Variants in JARID2 observed in about 807,000 individuals in gnomAD.
JARID2 encodes jumonji and AT-rich interaction domain containing 2, also known as protein Jumonji.
A neutral mutation model predicts 125.6 loss-of-function variants in JARID2; 21 were observed. That is an observed-to-expected ratio of 0.17 (90% CI 0.12 to 0.24). The LOEUF is 0.24. Among genes scored for constraint, JARID2 ranks in the 10% least tolerant of loss-of-function variants. The probability of loss-of-function intolerance (pLI) is 1.00; values close to 1 mark genes in which losing one functional copy is unlikely to be tolerated. For synonymous variants in JARID2, 736 were observed against 661.6 expected (o/e 1.11, Z -1.73); for missense variants, 1,303 against 1,639.6 (o/e 0.79, Z 3.55).
At chr6:15,315,955 G>A (rs1762165714) in intron 1 of JARID2, among the ~76,000 whole-genome samples, 1 of 151,986 alleles carries the variant, frequency 6.6e-6, no homozygotes, top group African/African-American at 2.4e-5. Context: ...TAAAGTGACT[G>A]AGGGCATAAG....
intron 1 of JARID2, among the ~76,000 whole-genome samples, chr6:15,361,805 G>A (rs1394668126): frequency 3.3e-5 from 5 of 151,202 alleles, no homozygotes; most frequent in African/African-American, 4.9e-5. Flanking sequence ...AAGAGGTTCA[G>A]TTTTGTTTAG....
chr6:15,317,993 G>A (rs182923025), intron 1 of JARID2, among the ~76,000 whole-genome samples: 2 of 152,222 alleles, frequency 1.3e-5, no homozygotes, highest in South Asian at 2.1e-4. Flanking sequence ...GTTTGCCTGG[G>A]TTCACTGAAG....
At chr6:15,345,974 A>G (rs1763230978) in intron 1 of JARID2, among the ~76,000 whole-genome samples, 1 of 152,174 alleles carries the variant, frequency 6.6e-6, no homozygotes, top group African/African-American at 2.4e-5. Flanking sequence ...TATATGAAAC[A>G]TACATTCCGT....
intron 5 of JARID2, among the ~76,000 whole-genome samples, chr6:15,474,490 G>C (rs1439620445): frequency 6.8e-6 from 1 of 146,110 alleles, no homozygotes; most frequent in Non-Finnish European, 1.5e-5. Flanking sequence ...CTACTCGTTA[G>C]CTTGTGTGTT....
rs1202578302 is a variant in JARID2 at position 15,336,530 on chromosome 6, A to G, written c.46-37587A>G. Among the ~76,000 whole-genome samples the G allele has an allele frequency of 5.3e-5, 8 of 152,322 alleles. No homozygotes were observed. In the East Asian group the frequency reaches 1.3e-3, roughly 26 times the overall value. On this transcript the variant is annotated intron_variant, in intron 1 of 17. Coordinates refer to ENST00000341776, the MANE Select transcript of JARID2 (RefSeq NM_004973.4). ...ACATATAATAAGGGTCTTGTAGGGA[A>G]ACCGTTTTGTCTGGGGAAAGAATGT... is the stretch of plus-strand genomic sequence containing the variant.
At chr6:15,463,184 A>G (rs1394625867) in intron 4 of JARID2, among the ~76,000 whole-genome samples, 2 of 152,148 alleles carry the variant, frequency 1.3e-5, no homozygotes, top group Non-Finnish European at 2.9e-5. Flanking sequence ...ATGACCACCC[A>G]TAAAGTCTTC....
At position 15,454,258 on chromosome 6, in the gene JARID2, C is replaced by T. The variant is rs556119031; in HGVS notation, c.493+2083C>T. The stretch of plus-strand genomic sequence containing the variant: ...CTCACCCCCTCTCCTTGCCCAATTG[C>T]CCTGCCTTACTAATTGGCTTTGGGA... On this transcript the variant is annotated intron_variant, in intron 4 of 17. Coordinates refer to ENST00000341776, the MANE Select transcript of JARID2 (RefSeq NM_004973.4). Among the ~76,000 whole-genome samples, 9 of 152,256 alleles carry T rather than the reference C, an allele frequency of 5.9e-5. No individual in the cohort carries two copies. In the South Asian group the frequency reaches 1.9e-3, roughly 32 times the overall value.
At chr6:15,295,340 C>G (rs1268633622) in intron 1 of JARID2, among the ~76,000 whole-genome samples, 1 of 152,192 alleles carries the variant, frequency 6.6e-6, no homozygotes, top group East Asian at 1.9e-4. Context: ...CCAGGATGGT[C>G]TTGATCTCCT....
chr6:15,423,610 C>T (rs1481856506), intron 3 of JARID2, among the ~76,000 whole-genome samples: 1 of 152,078 alleles, frequency 6.6e-6, no homozygotes, highest in Non-Finnish European at 1.5e-5. Flanking sequence ...ACTGCAGGTT[C>T]CATTTCAAAT....
At position 15,513,338 on chromosome 6, in the gene JARID2, G is replaced by C; in HGVS notation, c.3366G>C (p.Gly1122=). ...ATGGCAGCAGCACGGTGGCGGACGG[G>C]AAGAAAAAGCCTCGAAAGTGGCTGC... ...SHDGSSTVAD[G]KKKPRKWLQL... The change falls in exon 16 of 18, where the codon GGG becomes GGC. Residue 1122 remains glycine (G), a synonymous_variant. Transcript: ENST00000341776. 6.2e-7 allele frequency: 1 copy of C among 1,613,316 alleles called. No individual in the cohort carries two copies. Among genetic ancestry groups the C allele is most frequent in the Non-Finnish European group, 8.5e-7 (1 of 1,179,808 alleles).
At chr6:15,440,301 G>A (rs1047429622) in intron 3 of JARID2, among the ~76,000 whole-genome samples, 3 of 152,200 alleles carry the variant, frequency 2.0e-5, no homozygotes, top group African/African-American at 7.2e-5. Flanking sequence ...GATAAAAACT[G>A]GGAGGACTTT....
At chr6:15,440,169 A>G (rs1391625803) in intron 3 of JARID2, among the ~76,000 whole-genome samples, 1 of 152,246 alleles carries the variant, frequency 6.6e-6, no homozygotes, top group Non-Finnish European at 1.5e-5. Flanking sequence ...TATGTCCTGC[A>G]GATACTCACT....
intron 3 of JARID2, among the ~76,000 whole-genome samples, chr6:15,435,137 C>G (rs1312653706): frequency 1.3e-5 from 2 of 152,120 alleles, no homozygotes; most frequent in Non-Finnish European, 2.9e-5. Context: ...TGACATTTTC[C>G]CAGTTGGACA....
intron 1 of JARID2, among the ~76,000 whole-genome samples, chr6:15,328,268 G>T (rs1376345829): frequency 1.3e-5 from 2 of 152,104 alleles, no homozygotes; most frequent in African/African-American, 2.4e-5. Context: ...TTGTGAACAG[G>T]ATCTCCAAAT....
At chr6:15,366,350 C>T (rs73363117) in intron 1 of JARID2, among the ~76,000 whole-genome samples, 3,981 of 151,826 alleles carry the variant, frequency 0.026, 172 homozygotes, top group African/African-American at 0.089. Flanking sequence ...CAGCTCTGTA[C>T]GGCTGTTGTT....
intron 3 of JARID2, among the ~76,000 whole-genome samples, chr6:15,423,915 G>C (rs73365229): frequency 0.031 from 4,693 of 152,108 alleles, 238 homozygotes; most frequent in African/African-American, 0.11. Flanking sequence ...GTGGAGCTCC[G>C]TTTTTGTTTT....
At chr6:15,429,395 A>G (rs970208947) in intron 3 of JARID2, among the ~76,000 whole-genome samples, 3 of 151,846 alleles carry the variant, frequency 2.0e-5, no homozygotes, top group African/African-American at 7.3e-5. Context: ...CCTCCTGAGT[A>G]TCTGGGACCA....
At chr6:15,298,572 C>T (rs181980484) in intron 1 of JARID2, among the ~76,000 whole-genome samples, 6 of 151,218 alleles carry the variant, frequency 4.0e-5, no homozygotes, top group Admixed American at 1.3e-4. Flanking sequence ...CCCAGCTACC[C>T]GGGAGGCTGA....
chr6:15,382,218 G>A (rs923624494), intron 2 of JARID2, among the ~76,000 whole-genome samples: 7 of 152,178 alleles, frequency 4.6e-5, no homozygotes, highest in African/African-American at 1.7e-4. Flanking sequence ...AGCCAAGATC[G>A]CACCACTGCA....
Sources: gnomAD v4.1 joint callset for allele counts (sites outside exome capture counted in the v4.1 genomes callset) on GRCh38, gnomAD v4.1.1 for gene constraint, MANE v1.5 for transcripts, NCBI Gene and HGNC (gene_info 2026-07-23, HGNC 2026-07-21) for gene names.